SLC30A6: variants seen among roughly 807,000 people sequenced by gnomAD.
SLC30A6 encodes zinc transporter 6.
A neutral mutation model predicts 63.0 loss-of-function variants in SLC30A6; 55 were observed. The observed-to-expected ratio is 0.87, with a 90% CI of 0.70 to 1.09. SLC30A6 has a LOEUF of 1.09. Among genes scored for constraint, SLC30A6 ranks in the 50% least tolerant of loss-of-function variants. The pLI, the probability that SLC30A6 is intolerant of heterozygous loss-of-function variation, is 0.00. For synonymous variants in SLC30A6, 224 were observed against 186.1 expected, an observed-to-expected ratio of 1.20 and a Z score of -1.66; for missense variants, 587 against 549.2, an observed-to-expected ratio of 1.07 and a Z score of -0.69.
At chr2:32,188,114 A>T (rs572710106) in intron 5 of SLC30A6, among the ~76,000 whole-genome samples, 2 of 152,246 alleles carry the variant, frequency 1.3e-5, no homozygotes, top group South Asian at 4.2e-4. Flanking sequence ...CATGGCCTCT[A>T]TAGGATACTG....
chr2:32,201,075 C>T (rs1457708763), intron 10 of SLC30A6, among the ~76,000 whole-genome samples: 2 of 152,108 alleles, frequency 1.3e-5, no homozygotes, highest in Non-Finnish European at 2.9e-5. Flanking sequence ...TTATCTCCAC[C>T]CCAGGAGCCT....
intron 4 of SLC30A6, among the ~76,000 whole-genome samples, chr2:32,178,514 A>T (rs1235469244): frequency 6.6e-6 from 1 of 152,078 alleles, no homozygotes; most frequent in Non-Finnish European, 1.5e-5. Flanking sequence ...TCTCTACTAA[A>T]ATACAAAAAT....
intron 4 of SLC30A6, among the ~76,000 whole-genome samples, chr2:32,183,051 G>A (rs1682476802): frequency 1.3e-5 from 2 of 152,202 alleles, no homozygotes; most frequent in Admixed American, 1.3e-4. Flanking sequence ...GCCGGGCATG[G>A]TGGTGCATGC....
At chr2:32,168,978 A>C (rs149361998) in intron 1 of SLC30A6, among the ~76,000 whole-genome samples, 1 of 152,262 alleles carries the variant, frequency 6.6e-6, no homozygotes, top group African/African-American at 2.4e-5. Context: ...GCCTCTTAGA[A>C]ACCTTGTTGA....
intron 1 of SLC30A6, among the ~76,000 whole-genome samples, chr2:32,167,382 CTT>C (rs11293465): frequency 2.0e-3 from 263 of 132,450 alleles, no homozygotes; most frequent in Admixed American, 2.1e-3. Context: ...GCCACAAACT[CTT>C]TTTTTTTTTT....
chr2:32,192,250 C>A, intron 5 of SLC30A6, 86 bp from the exon 6 acceptor site: 1 of 1,233,358 alleles, frequency 8.1e-7, no homozygotes, highest in Non-Finnish European at 1.2e-6. Flanking sequence ...ATTAAGTGAG[C>A]AAATAAATGA....
At chr2:32,191,731 G>GA (rs933143150) in intron 5 of SLC30A6, among the ~76,000 whole-genome samples, 35 of 150,314 alleles carry the variant, frequency 2.3e-4, no homozygotes, top group African/African-American at 5.9e-4. Context: ...ATCTGTTTGG[G>GA]AAAAAAAAAT....
At chr2:32,195,333 C>T (rs1406780413) in intron 8 of SLC30A6, among the ~76,000 whole-genome samples, 3 of 151,804 alleles carry the variant, frequency 2.0e-5, no homozygotes, top group East Asian at 3.9e-4. Flanking sequence ...CCCAAAGTGC[C>T]GGGATTACAG....
chr2:32,188,805 A>G (rs1367864961), intron 5 of SLC30A6, among the ~76,000 whole-genome samples: 1 of 152,228 alleles, frequency 6.6e-6, no homozygotes, highest in African/African-American at 2.4e-5. Context: ...GGATCATGAT[A>G]TAGAACATTA....
Position 32,174,067 on chromosome 2 carries a change from G to A in SLC30A6, c.95G>A (p.Trp32Ter), listed in dbSNP as rs149886993. 1 of 1,612,696 alleles carries A rather than the reference G, an allele frequency of 6.2e-7. No individual in the cohort carries two copies. The highest frequency in any genetic ancestry group is 8.5e-7 in the Non-Finnish European group (1 of 1,179,310). ...FRLVAADRRSWKILLFGVINL... is the reference protein window; with the variant it reads ...FRLVAADRRS ...GAGTGATTTTTATTTTCACAGTCCT[G>A]GAAGATACTGCTCTTTGGTGTAATA... The change falls in exon 3 of 14, where the codon TGG becomes TAG. Residue 32 changes from tryptophan (W) to a stop codon, truncating the protein, a stop_gained. Transcript: ENST00000282587. LOFTEE classifies it high-confidence loss of function.
chr2:32,204,020 C>T, intron 10 of SLC30A6: 1 of 671,436 alleles, frequency 1.5e-6, no homozygotes, highest in Non-Finnish European at 2.6e-6. Context: ...GTTAATCTAC[C>T]AGTATGAGGT....
Position 32,165,881 on chromosome 2 carries a change from G to C in SLC30A6, c.-20G>C, listed in dbSNP as rs1558357502. ...GAGCACCCAGAACGGCTTCCGGCGG[G>C]AGCTGTGCAGCTCCTTATCATGGTG... On this transcript the variant is annotated 5_prime_UTR_variant, in exon 1 of 14. Coordinates refer to ENST00000282587, the MANE Select transcript of SLC30A6 (RefSeq NM_017964.5). 1.9e-6 allele frequency: 3 copies of C among 1,614,104 alleles called. No individual in the cohort carries two copies. The highest frequency in any genetic ancestry group is 1.7e-6 in the Non-Finnish European group (2 of 1,179,962).
chr2:32,192,911 C>T lies in SLC30A6; in HGVS notation c.366-7C>T, dbSNP rs752265689. ...GGACTTATTTAATATATTTTTATTTCTTATAGTGCAGAACGCTTTTTGGAA... is the reference window on the plus strand; with the variant it reads ...GGACTTATTTAATATATTTTTATTTTTTATAGTGCAGAACGCTTTTTGGAA... On this transcript the variant is annotated splice_region_variant and splice_polypyrimidine_tract_variant and intron_variant, in intron 6 of 13. Coordinates refer to ENST00000282587, the MANE Select transcript of SLC30A6 (RefSeq NM_017964.5). 6 of 1,490,366 alleles carry T rather than the reference C, an allele frequency of 4.0e-6. No individual in the cohort carries two copies. Among genetic ancestry groups the T allele is most frequent in the East Asian group, 2.4e-5 (1 of 41,354 alleles). 92.3% of individuals were successfully genotyped at this position (1,490,366 alleles called of 1,614,324 possible).
At chr2:32,176,060 G>A (rs1272613646) in intron 4 of SLC30A6, among the ~76,000 whole-genome samples, 1 of 152,126 alleles carries the variant, frequency 6.6e-6, no homozygotes, top group African/African-American at 2.4e-5. Context: ...AACCTGAGAA[G>A]ATATTTGTAA....
intron 1 of SLC30A6, 122 bp downstream of exon 1, chr2:32,166,025 G>T (rs1680612408): frequency 2.8e-6 from 4 of 1,439,062 alleles, no homozygotes; most frequent in Non-Finnish European, 2.9e-6. Context: ...TTGAAGTCGG[G>T]CCCCTTGGCA....
chr2:32,224,138 A>G lies in SLC30A6; in HGVS notation c.*3425A>G, dbSNP rs1435614533. On this transcript the variant is annotated 3_prime_UTR_variant, in exon 14 of 14. Transcript: ENST00000282587. ...AATAATCTTTCTTTATTCAGTAGCT[A>G]TTAATAATTTATCTCATATTCAGCG... 5.5e-6 allele frequency: 1 copy of G among 183,104 alleles called. No individual in the cohort carries two copies. The highest frequency in any genetic ancestry group is 1.1e-5 in the Non-Finnish European group (1 of 88,320). The allele number at this position is 183,104 out of a possible 1,614,324, so 11.3% of individuals were successfully genotyped here. A position where few individuals can be genotyped will look rare whatever the true frequency, so the allele number is the denominator to read the frequency against.
intron 4 of SLC30A6, among the ~76,000 whole-genome samples, chr2:32,182,162 T>G (rs1432991739): frequency 1.3e-5 from 2 of 151,974 alleles, no homozygotes; most frequent in Non-Finnish European, 2.9e-5. Flanking sequence ...CTTGTACTCT[T>G]GGGCTCTCAA....
chr2:32,184,234 T>G (rs767592746), intron 4 of SLC30A6, 39 bp from the exon 5 acceptor site: 1 of 1,218,556 alleles, frequency 8.2e-7, no homozygotes, highest in Admixed American at 2.3e-5. Flanking sequence ...CATGTTCTCT[T>G]CTAGTTCTAA....
intron 8 of SLC30A6, among the ~76,000 whole-genome samples, chr2:32,196,320 C>CA (rs946510943): frequency 2.0e-4 from 29 of 143,032 alleles, no homozygotes; most frequent in Admixed American, 7.7e-4. Context: ...CATCTCAAAA[C>CA]AAAAAAAAAA....
Sources: gnomAD v4.1 joint callset for allele counts (sites outside exome capture counted in the v4.1 genomes callset) on GRCh38, gnomAD v4.1.1 for gene constraint, MANE v1.5 for transcripts, NCBI Gene and HGNC (gene_info 2026-07-23, HGNC 2026-07-21) for gene names.